CAMK1D: variants seen among roughly 807,000 people sequenced by gnomAD.
CAMK1D encodes the protein calcium/calmodulin-dependent protein kinase type 1D.
A neutral mutation model predicts 47.7 loss-of-function variants in CAMK1D; 9 were observed. The ratio of observed to expected loss-of-function variants is 0.19; its 90% CI spans 0.11 to 0.33. The LOEUF is 0.33. Ranked by LOEUF, CAMK1D falls within the 10% of genes least tolerant of loss-of-function variation. CAMK1D has a pLI of 1.00. For missense variants in CAMK1D, 291 were observed against 488.7 expected (o/e 0.60, Z 3.81); for synonymous variants, 184 against 184.9 (o/e 0.99, Z 0.04).
At chr10:12,436,868 G>A (rs377244051) in intron 1 of CAMK1D, among the ~76,000 whole-genome samples, 4 of 152,118 alleles carry the variant, frequency 2.6e-5, no homozygotes, top group East Asian at 1.9e-4. Flanking sequence ...TTCGCTCCAC[G>A]GACTCACAGT....
chr10:12,798,153 A>G (rs1838276223), intron 6 of CAMK1D, among the ~76,000 whole-genome samples: 1 of 152,248 alleles, frequency 6.6e-6, no homozygotes. Flanking sequence ...GCGTGGCTTC[A>G]GGCCAGATGG....
At chr10:12,449,072 T>C (rs1183528177) in intron 1 of CAMK1D, among the ~76,000 whole-genome samples, 4 of 152,226 alleles carry the variant, frequency 2.6e-5, no homozygotes, top group Admixed American at 6.5e-5. Context: ...TATTACGTCA[T>C]GTTACTATGT....
chr10:12,504,932 G>A (rs1456092058), intron 1 of CAMK1D, among the ~76,000 whole-genome samples: 1 of 152,156 alleles, frequency 6.6e-6, no homozygotes. Context: ...TTGCAGGCAG[G>A]GTCTGAAGTG....
intron 10 of CAMK1D, chr10:12,825,916 T>C: frequency 1.6e-6 from 1 of 613,820 alleles, no homozygotes; most frequent in Non-Finnish European, 2.7e-6. Context: ...GCAGGAGGAC[T>C]GTTTGAGTTC....
intron 2 of CAMK1D, among the ~76,000 whole-genome samples, chr10:12,622,968 G>T (rs1053851979): frequency 2.6e-5 from 4 of 151,614 alleles, no homozygotes. Context: ...CCCAAGGTGG[G>T]AGTCACTGCC....
At chr10:12,485,461 A>T (rs1244226866) in intron 1 of CAMK1D, among the ~76,000 whole-genome samples, 1 of 152,178 alleles carries the variant, frequency 6.6e-6, no homozygotes, top group Non-Finnish European at 1.5e-5. Context: ...AGGTGGCCCC[A>T]GCTGCAAATG....
chr10:12,776,376 G>A (rs1837246935), intron 5 of CAMK1D, among the ~76,000 whole-genome samples: 1 of 152,206 alleles, frequency 6.6e-6, no homozygotes, highest in South Asian at 2.1e-4. Context: ...GTTTCAATTT[G>A]TTAAAGTTGA....
At chr10:12,824,245 G>A (rs1451672682) in intron 8 of CAMK1D, among the ~76,000 whole-genome samples, 1 of 152,104 alleles carries the variant, frequency 6.6e-6, no homozygotes, top group African/African-American at 2.4e-5. Flanking sequence ...AGGGTGCGGA[G>A]TGTAGAAGCT....
At chr10:12,678,175 G>A (rs926333063) in intron 3 of CAMK1D, among the ~76,000 whole-genome samples, 2 of 152,126 alleles carry the variant, frequency 1.3e-5, no homozygotes, top group Non-Finnish European at 2.9e-5. Context: ...TGCTTTTGTA[G>A]CATTCCATAC....
At chr10:12,439,298 T>C (rs1832717980) in intron 1 of CAMK1D, among the ~76,000 whole-genome samples, 1 of 152,232 alleles carries the variant, frequency 6.6e-6, no homozygotes, top group Non-Finnish European at 1.5e-5. Context: ...TATGGTTTAA[T>C]ATTTATCGAA....
intron 6 of CAMK1D, among the ~76,000 whole-genome samples, chr10:12,794,927 A>G (rs1262440734): frequency 2.6e-5 from 4 of 152,148 alleles, no homozygotes; most frequent in East Asian, 3.8e-4. Flanking sequence ...TTTTCTCACC[A>G]TACAGATGGT....
intron 1 of CAMK1D, among the ~76,000 whole-genome samples, chr10:12,350,510 C>T (rs1564287898): frequency 1.3e-5 from 2 of 152,198 alleles, no homozygotes; most frequent in African/African-American, 4.8e-5. Context: ...GCGGGCTCGG[C>T]CGCACGCGCC....
At chr10:12,388,658 T>C (rs1838609632) in intron 1 of CAMK1D, among the ~76,000 whole-genome samples, 1 of 152,130 alleles carries the variant, frequency 6.6e-6, no homozygotes, top group African/African-American at 2.4e-5. Context: ...CTGACATGCG[T>C]TTCAAATTAA....
At chr10:12,509,662 G>A (rs1834983369) in intron 1 of CAMK1D, among the ~76,000 whole-genome samples, 1 of 152,196 alleles carries the variant, frequency 6.6e-6, no homozygotes. Flanking sequence ...GAGGTGGGAG[G>A]ATGAATTGAG....
At chr10:12,419,640 G>GCACA (rs111807347) in intron 1 of CAMK1D, among the ~76,000 whole-genome samples, 2,825 of 147,142 alleles carry the variant, frequency 0.019, 48 homozygotes, top group East Asian at 0.066. Flanking sequence ...AAGAGAAAAT[G>GCACA]CACACACACA....
At chr10:12,359,939 CT>C (rs780463770) in intron 1 of CAMK1D, among the ~76,000 whole-genome samples, 2 of 152,126 alleles carry the variant, frequency 1.3e-5, no homozygotes, top group Non-Finnish European at 2.9e-5. Context: ...ATCTCAAAAA[CT>C]TTAAATGTCC....
At chr10:12,765,164 CA>C (rs1836690592) in intron 4 of CAMK1D, among the ~76,000 whole-genome samples, 2 of 152,282 alleles carry the variant, frequency 1.3e-5, no homozygotes, top group African/African-American at 4.8e-5. Flanking sequence ...GCTTCATCCA[CA>C]AAATTAATGT....
intron 3 of CAMK1D, among the ~76,000 whole-genome samples, chr10:12,674,686 A>G (rs562647047): frequency 6.9e-6 from 1 of 145,258 alleles, no homozygotes; most frequent in East Asian, 2.1e-4. Flanking sequence ...GAGAAGTGAT[A>G]GATGGAAAGT....
rs1314361890 is a variant in CAMK1D, at chr10:12,769,722, T to A, written c.488T>A (p.Ile163Asn). 6.2e-7 allele frequency: 1 copy of A among 1,614,150 alleles called. No individual in the cohort carries two copies. The highest frequency in any genetic ancestry group is 8.5e-7 in the Non-Finnish European group (1 of 1,179,944). The change falls in exon 5 of 11, where the codon ATC becomes AAC. Residue 163 changes from isoleucine (I) to asparagine (N), a missense_variant. Around this residue, in one of 2 missense-constraint regions of CAMK1D, gnomAD observed 219 missense variants for 424.3 expected, o/e 0.52. Coordinates refer to ENST00000619168, the MANE Select transcript of CAMK1D (RefSeq NM_153498.4). ...CAAGATGAGGAGTCCAAAATAATGA[T>A]CAGTGACTTTGGATTGTCAAAAATG... ...YSQDEESKIM[I>N]SDFGLSKMEG...
Sources: allele counts gnomAD v4.1 joint callset (sites outside exome capture counted in the v4.1 genomes callset), GRCh38; gene constraint gnomAD v4.1.1; regional missense constraint gnomAD v4.1.1; transcripts MANE v1.5; gene names NCBI Gene and HGNC (gene_info 2026-07-23, HGNC 2026-07-21).